Variants in CSMD1 observed in about 807,000 individuals in gnomAD.
CSMD1 encodes the protein CUB and Sushi multiple domains 1.
In CSMD1, 213 loss-of-function variants were observed where a neutral mutation model predicts 417.5. That is an observed-to-expected ratio of 0.51 (90% CI 0.46 to 0.57). The LOEUF (loss-of-function observed/expected upper bound fraction) is 0.57, where lower values mean the gene tolerates loss of function less well. Ranked by LOEUF, CSMD1 falls within the 20% of genes least tolerant of loss-of-function variation. CSMD1 has a pLI of 0.00. For missense variants in CSMD1, 6,923 were observed against 4,529.7 expected (o/e 1.53, Z -15.17); for synonymous variants, 2,862 against 1,736.8 (o/e 1.65, Z -16.11).
intron 1 of CSMD1, among the ~76,000 whole-genome samples, chr8:4,865,437 T>G (rs186665846): frequency 6.6e-6 from 1 of 151,886 alleles, no homozygotes; most frequent in Non-Finnish European, 1.5e-5. Flanking sequence ...GTCATTTTCT[T>G]TCTGCCTATA....
At chr8:4,796,357 C>T (rs1013303199) in intron 1 of CSMD1, among the ~76,000 whole-genome samples, 1 of 152,012 alleles carries the variant, frequency 6.6e-6, no homozygotes, top group African/African-American at 2.4e-5. Context: ...CTCAGCCAGA[C>T]CCAGCTTTAT....
At chr8:4,608,815 C>T (rs1260546157) in intron 2 of CSMD1, among the ~76,000 whole-genome samples, 1 of 152,122 alleles carries the variant, frequency 6.6e-6, no homozygotes, top group Non-Finnish European at 1.5e-5. Context: ...GATAAGCATG[C>T]TAAGGCATAT....
At chr8:4,643,729 A>C (rs747460121) in intron 1 of CSMD1, among the ~76,000 whole-genome samples, 2 of 152,184 alleles carry the variant, frequency 1.3e-5, no homozygotes, top group African/African-American at 2.4e-5. Flanking sequence ...ATATGCATTA[A>C]ATTCTGCATT....
chr8:3,987,410 G>A (rs188416966), intron 5 of CSMD1, among the ~76,000 whole-genome samples: 45 of 152,260 alleles, frequency 3.0e-4, no homozygotes, highest in Middle Eastern at 3.4e-3. Flanking sequence ...GGATACAGGG[G>A]TTGTCTGTCT....
chr8:3,412,080 A>ACACG (rs150524740), intron 12 of CSMD1, among the ~76,000 whole-genome samples: 1 of 22,428 alleles, frequency 4.5e-5, no homozygotes, highest in Admixed American at 6.0e-4. Flanking sequence ...ACATATATAC[A>ACACG]TATATATACA....
chr8:4,213,762 G>T (rs1257253878), intron 3 of CSMD1, among the ~76,000 whole-genome samples: 1 of 152,204 alleles, frequency 6.6e-6, no homozygotes, highest in Admixed American at 6.5e-5. Context: ...CTGAGATGGG[G>T]TTCCCTGCCA....
intron 3 of CSMD1, among the ~76,000 whole-genome samples, chr8:4,146,292 G>T (rs964816986): frequency 1.3e-5 from 2 of 150,962 alleles, no homozygotes; most frequent in African/African-American, 5.0e-5. Context: ...AGTCGGCACA[G>T]TGCCATAGCC....
chr8:4,077,102 T>TAC (rs1799858968), intron 3 of CSMD1, among the ~76,000 whole-genome samples: 1 of 151,798 alleles, frequency 6.6e-6, no homozygotes, highest in African/African-American at 2.4e-5. Context: ...TTTAAGCCCC[T>TAC]ACTTCATTTT....
At chr8:3,643,120 A>T (rs1034768395) in intron 7 of CSMD1, among the ~76,000 whole-genome samples, 13 of 151,838 alleles carry the variant, frequency 8.6e-5, no homozygotes, top group Non-Finnish European at 1.6e-4. Context: ...TTCAAAAGAC[A>T]ATTTAACAGT....
intron 1 of CSMD1, among the ~76,000 whole-genome samples, chr8:4,935,686 T>G (rs1259141455): frequency 6.6e-6 from 1 of 152,182 alleles, no homozygotes; most frequent in African/African-American, 2.4e-5. Context: ...TTTTACATAT[T>G]TTTAGTTCTT....
chr8:3,467,720 G>A (rs1457066433), intron 12 of CSMD1, among the ~76,000 whole-genome samples: 1 of 152,240 alleles, frequency 6.6e-6, no homozygotes, highest in South Asian at 2.1e-4. Flanking sequence ...GAGCAGCCAA[G>A]GTGTGGCGTG....
chr8:4,276,195 A>C (rs4559263), intron 3 of CSMD1, among the ~76,000 whole-genome samples: 1 of 152,218 alleles, frequency 6.6e-6, no homozygotes. Context: ...AGCACTGTTC[A>C]CAATAGCAAA....
chr8:4,946,236 C>T (rs1463064016), intron 1 of CSMD1, among the ~76,000 whole-genome samples: 1 of 152,178 alleles, frequency 6.6e-6, no homozygotes, highest in African/African-American at 2.4e-5. Flanking sequence ...TGTCTTGTTA[C>T]GTTCTCAGAG....
rs528001619 is a variant in CSMD1, at chr8:3,924,743, C to A, written c.818+73160G>T. Among the ~76,000 whole-genome samples the A allele has an allele frequency of 9.3e-5, 14 of 150,392 alleles. No individual in the cohort carries two copies. The South Asian group carries it at 2.7e-3, about 29-fold the overall frequency. ...TAATGTTCACCTCTTTGTTGAACTA[C>A]TCATTTTGTTCATATCTTGTTTTTC... On this transcript the variant is annotated intron_variant, in intron 5 of 69. Transcript: ENST00000635120.
intron 5 of CSMD1, among the ~76,000 whole-genome samples, chr8:3,995,351 T>C (rs1563297314): frequency 6.6e-6 from 1 of 151,738 alleles, no homozygotes; most frequent in Non-Finnish European, 1.5e-5. Context: ...TTGACTATTA[T>C]GATAAACATT....
At chr8:4,561,757 C>T (rs1472804404) in intron 2 of CSMD1, among the ~76,000 whole-genome samples, 1 of 152,148 alleles carries the variant, frequency 6.6e-6, no homozygotes, top group Admixed American at 6.5e-5. Flanking sequence ...TATTATTTTG[C>T]AGACACTTTA....
chr8:3,029,387 C>A lies in CSMD1; in HGVS notation c.7787G>T (p.Gly2596Val), dbSNP rs1230604216. The change falls in exon 51 of 70, where the codon GGC becomes GTC. Residue 2596 changes from glycine to valine, a missense_variant. Coordinates refer to ENST00000635120, the MANE Select transcript of CSMD1 (RefSeq NM_033225.6). ...GGCCTGGCACCGCAGGAGCCTCCAG[C>A]CTTCTAAGTAGTAACCAGGACTGCA... ...LSCSPGYYLEGWRLLRCQANG... is the reference protein window; with the variant it reads ...LSCSPGYYLEVWRLLRCQANG... The A allele has an allele frequency of 1.2e-6, 2 of 1,611,784 alleles. No individual in the cohort carries two copies. The highest frequency in any genetic ancestry group is 1.7e-6 in the Non-Finnish European group (2 of 1,179,484).
At position 4,890,877 on chromosome 8, in the gene CSMD1, T is replaced by C. The variant is rs909171907; in HGVS notation, c.85+103455A>G. On this transcript the variant is annotated intron_variant, in intron 1 of 69. Coordinates refer to ENST00000635120, the MANE Select transcript of CSMD1 (RefSeq NM_033225.6). ...CACATTGAGTGACAAGAAACATGAT[T>C]TCAGCCAAACCCCTAGAGCTCACAA... 1.2e-4 allele frequency among the ~76,000 whole-genome samples: 18 copies of C among 152,234 alleles called. No individual in the cohort carries two copies. In the South Asian group the frequency reaches 2.3e-3, roughly 19 times the overall value.
intron 3 of CSMD1, among the ~76,000 whole-genome samples, chr8:4,127,738 A>C (rs1802851291): frequency 6.6e-6 from 1 of 152,254 alleles, no homozygotes; most frequent in Non-Finnish European, 1.5e-5. Context: ...AGCATTTACT[A>C]TGTGCCAGCT....
Sources: gnomAD v4.1 joint callset for allele counts (sites outside exome capture counted in the v4.1 genomes callset) on GRCh38, gnomAD v4.1.1 for gene constraint, MANE v1.5 for transcripts, NCBI Gene and HGNC (gene_info 2026-07-23, HGNC 2026-07-21) for gene names.